The following MATCAP2 variants were observed in gnomAD, a reference collection of about 807,000 sequenced individuals.
The protein encoded by MATCAP2 is putative tyrosine carboxypeptidase MATCAP2.
the MATCAP2 span, chr7:36,384,011 A>T: frequency 7.5e-5 from 38 of 507,624 alleles, no homozygotes; most frequent in Admixed American, 7.1e-4. Context: ...ATTAAATATA[A>T]ATAGTATTTT....
At chr7:36,350,122 A>G in the MATCAP2 span, among the ~76,000 whole-genome samples, 89 of 152,230 alleles carry the variant, frequency 5.8e-4, no homozygotes, top group Admixed American at 1.4e-3. Flanking sequence ...AGGTCTACAA[A>G]GATAAAATAA....
At chr7:36,356,860 A>G in the MATCAP2 span, 2 of 1,428,500 alleles carry the variant, frequency 1.4e-6, no homozygotes, top group Admixed American at 1.7e-5. Context: ...TAATTGTTTT[A>G]GTACATAAAA....
At chr7:36,385,770 A>C in the MATCAP2 span, among the ~76,000 whole-genome samples, 1 of 147,140 alleles carries the variant, frequency 6.8e-6, no homozygotes, top group Non-Finnish European at 1.5e-5. Context: ...TGGGTGACAG[A>C]GCAAGACCCT....
At chr7:36,349,643 G>T in the MATCAP2 span, among the ~76,000 whole-genome samples, 1 of 152,178 alleles carries the variant, frequency 6.6e-6, no homozygotes, top group African/African-American at 2.4e-5. Flanking sequence ...GAGGGTAACT[G>T]CTATGAGGAT....
chr7:36,382,299 CAAAAAAAAAAAAAA>C, the MATCAP2 span, among the ~76,000 whole-genome samples: 3,440 of 63,200 alleles, frequency 0.054, 278 homozygotes, highest in East Asian at 0.36. Flanking sequence ...GCGTCTGTCT[CAAAAAAAAAAAAAA>C]AAAAAAAAAA....
At chr7:36,334,925 A>G in the MATCAP2 span, 6 of 903,770 alleles carry the variant, frequency 6.6e-6, no homozygotes, top group Non-Finnish European at 9.9e-6. Context: ...CTTCTTGCTA[A>G]ATTTTCTTCT....
chr7:36,335,283 T>C, the MATCAP2 span: 2 of 1,037,544 alleles, frequency 1.9e-6, no homozygotes, highest in South Asian at 1.4e-5. Context: ...CTGTTTTTTG[T>C]TTATAACCAC....
chr7:36,379,663 A>C, the MATCAP2 span, among the ~76,000 whole-genome samples: 1 of 152,030 alleles, frequency 6.6e-6, no homozygotes, highest in Non-Finnish European at 1.5e-5. Flanking sequence ...GTTCTGAAAA[A>C]AATGTGTCAC....
the MATCAP2 span, chr7:36,333,784 G>A: frequency 7.9e-6 from 10 of 1,266,014 alleles, no homozygotes; most frequent in South Asian, 1.5e-4. Flanking sequence ...GTGATTCAGG[G>A]ATTAGGATAT....
At chr7:36,357,269 A>C in the MATCAP2 span, 1 of 1,614,206 alleles carries the variant, frequency 6.2e-7, no homozygotes, top group East Asian at 2.2e-5. Context: ...CCGCCTCTCC[A>C]GGCAGTACCA....
chr7:36,367,209 T>C, the MATCAP2 span: 2 of 1,164,940 alleles, frequency 1.7e-6, no homozygotes, highest in Non-Finnish European at 2.1e-6. Flanking sequence ...CCTGCCACCG[T>C]GACGTAGCCG....
chr7:36,357,321 G>A, the MATCAP2 span: 9 of 1,614,040 alleles, frequency 5.6e-6, no homozygotes, highest in East Asian at 2.2e-5. Context: ...TTCATCCTGC[G>A]AGGATCTTTG....
chr7:36,330,246 G>A, the MATCAP2 span, among the ~76,000 whole-genome samples: 7 of 151,544 alleles, frequency 4.6e-5, no homozygotes, highest in African/African-American at 9.7e-5. Flanking sequence ...CACCATGCCC[G>A]GCTACTTTTT....
chr7:36,374,185 C>A, the MATCAP2 span, among the ~76,000 whole-genome samples: 1 of 152,036 alleles, frequency 6.6e-6, no homozygotes. Context: ...CTGAAGTGAT[C>A]CTCCCACCTC....
At chr7:36,361,378 C>T in the MATCAP2 span, among the ~76,000 whole-genome samples, 2 of 152,114 alleles carry the variant, frequency 1.3e-5, no homozygotes, top group Non-Finnish European at 2.9e-5. Flanking sequence ...AGGAAGATCA[C>T]CAGAAACAAA....
chr7:36,335,317 A>C, the MATCAP2 span: 2 of 805,252 alleles, frequency 2.5e-6, no homozygotes, highest in Non-Finnish European at 4.0e-6. Context: ...GAAACCAAGA[A>C]GGAATGTGCA....
At chr7:36,337,971 C>T in the MATCAP2 span, among the ~76,000 whole-genome samples, 1 of 151,988 alleles carries the variant, frequency 6.6e-6, no homozygotes, top group East Asian at 1.9e-4. Context: ...CCTCTCTTGC[C>T]CAAATTCCTA....
chr7:36,381,039 G>T, the MATCAP2 span, among the ~76,000 whole-genome samples: 2,337 of 152,274 alleles, frequency 0.015, 27 homozygotes, highest in South Asian at 0.028. Context: ...TTAGAAAAGG[G>T]TATGGTAGGA....
At chr7:36,352,625 C>T in the MATCAP2 span, among the ~76,000 whole-genome samples, 3 of 151,760 alleles carry the variant, frequency 2.0e-5, no homozygotes, top group South Asian at 4.2e-4. Context: ...GTCAGGAGTT[C>T]GAGACCAGCC....
Sources: gnomAD v4.1 joint callset for allele counts (sites outside exome capture counted in the v4.1 genomes callset) on GRCh38, gnomAD v4.1.1 for gene constraint, MANE v1.5 for transcripts, NCBI Gene and HGNC (gene_info 2026-07-23, HGNC 2026-07-21) for gene names.